Variants in GALNT2 observed in about 807,000 individuals in gnomAD.
The protein encoded by GALNT2 is polypeptide N-acetylgalactosaminyltransferase 2, also known as UDP-GalNAc:polypeptide N-acetylgalactosaminyltransferase 2.
Under a neutral mutation model 81.4 loss-of-function variants are expected in GALNT2, and 31 were observed. The observed-to-expected ratio is 0.38, with a 90% CI of 0.29 to 0.51. GALNT2 has a LOEUF of 0.51. Among genes scored for constraint, GALNT2 ranks in the 20% least tolerant of loss-of-function variants. The probability of loss-of-function intolerance (pLI) is 0.87; values close to 1 mark genes in which losing one functional copy is unlikely to be tolerated. For missense variants in GALNT2, 629 were observed against 765.7 expected (o/e 0.82, Z 2.11); for synonymous variants, 303 against 287.4 (o/e 1.05, Z -0.55).
At chr1:230,255,761 A>G (rs1665692628) in intron 11 of GALNT2, among the ~76,000 whole-genome samples, 1 of 152,186 alleles carries the variant, frequency 6.6e-6, no homozygotes, top group Non-Finnish European at 1.5e-5. Context: ...ATGAGTGTGA[A>G]GGCTCTTAGA....
At chr1:230,068,030 C>G (rs1035485278) in intron 1 of GALNT2, among the ~76,000 whole-genome samples, 1 of 152,250 alleles carries the variant, frequency 6.6e-6, no homozygotes, top group Admixed American at 6.5e-5. Context: ...CGAGGCCAGT[C>G]CCGGCCGTTC....
rs935346258 is a variant in GALNT2 at position 230,275,601 on chromosome 1, A to G, written c.1560+1037A>G. On this transcript the variant is annotated intron_variant, in intron 15 of 15. Transcript: ENST00000366672. The surrounding 1 kb of genome is among the most constrained non-coding windows in gnomAD (Gnocchi z 5.5). The stretch of plus-strand genomic sequence containing the variant: ...ACACCATATATATACATATAGATAC[A>G]TGCTACATTTATATAAACACCACAT... Among the ~76,000 whole-genome samples the G allele has an allele frequency of 3.3e-5, 5 of 151,520 alleles. No individual in the cohort carries two copies. The highest frequency in any genetic ancestry group is 1.2e-4 in the African/African-American group (5 of 41,230).
intron 1 of GALNT2, among the ~76,000 whole-genome samples, chr1:230,100,913 A>G (rs556935699): frequency 6.6e-6 from 1 of 152,370 alleles, no homozygotes; most frequent in African/African-American, 2.4e-5. Context: ...TTCAGTTAAC[A>G]GTAGACTGCA....
chr1:230,265,427 T>C, intron 14 of GALNT2, 60 bp downstream of exon 14: 1 of 1,606,306 alleles, frequency 6.2e-7, no homozygotes, highest in South Asian at 1.1e-5. Flanking sequence ...GTTGGGGGGG[T>C]CCTGATGTTA....
intron 8 of GALNT2, 130 bp from the exon 9 acceptor site, chr1:230,249,054 T>G: frequency 1.1e-6 from 1 of 872,404 alleles, no homozygotes; most frequent in South Asian, 1.6e-5. Flanking sequence ...ACACCTTCTT[T>G]TTTGGCTTTG....
intron 3 of GALNT2, among the ~76,000 whole-genome samples, chr1:230,223,314 T>G (rs1344608046): frequency 1.3e-5 from 2 of 151,912 alleles, no homozygotes; most frequent in Non-Finnish European, 2.9e-5. Context: ...TTTATTTCAC[T>G]TACTCTTGAT....
chr1:230,262,864 G>C, intron 12 of GALNT2, 58 bp from the exon 13 acceptor site: 1 of 1,538,756 alleles, frequency 6.5e-7, no homozygotes, highest in Non-Finnish European at 9.0e-7. Context: ...CAAGTTTGAT[G>C]TAGAAAGCCC....
chr1:230,244,565 T>C (rs1422629995), intron 7 of GALNT2, among the ~76,000 whole-genome samples: 3 of 139,848 alleles, frequency 2.1e-5, no homozygotes, highest in Non-Finnish European at 3.0e-5. Context: ...AAAACTGCCA[T>C]GGCAGTGTTT....
chr1:230,256,107 C>T (rs1665705628), intron 11 of GALNT2, among the ~76,000 whole-genome samples: 1 of 152,038 alleles, frequency 6.6e-6, no homozygotes, highest in South Asian at 2.1e-4. Flanking sequence ...AGAGTGGAGC[C>T]CTCATGGCAT....
chr1:230,100,557 C>T (rs1238091630), intron 1 of GALNT2, among the ~76,000 whole-genome samples: 1 of 152,278 alleles, frequency 6.6e-6, no homozygotes, highest in East Asian at 1.9e-4. Flanking sequence ...AACTCGCCAC[C>T]TCAGGCGATC....
intron 3 of GALNT2, among the ~76,000 whole-genome samples, chr1:230,227,502 A>C (rs754331018): frequency 6.7e-6 from 1 of 149,974 alleles, no homozygotes; most frequent in Non-Finnish European, 1.5e-5. Context: ...TATATGCTAT[A>C]TAATACAGCT....
intron 14 of GALNT2, among the ~76,000 whole-genome samples, chr1:230,273,917 G>A (rs1666216280): frequency 6.6e-6 from 1 of 152,188 alleles, no homozygotes; most frequent in South Asian, 2.1e-4. Context: ...AGATCAATTA[G>A]CATTCACTTA....
chr1:230,262,497 C>T, intron 11 of GALNT2, 76 bp from the exon 12 acceptor site: 1 of 1,305,322 alleles, frequency 7.7e-7, no homozygotes, highest in Non-Finnish European at 1.1e-6. Context: ...CAGTCACACG[C>T]CAGCAGACAG....
chr1:230,215,935 G>A (rs144642583), intron 3 of GALNT2, among the ~76,000 whole-genome samples: 3 of 152,348 alleles, frequency 2.0e-5, no homozygotes, highest in African/African-American at 7.2e-5. Flanking sequence ...CTCAAAATGT[G>A]TGTGACATGG....
chr1:230,182,589 G>C (rs541597860), intron 2 of GALNT2, among the ~76,000 whole-genome samples: 1 of 152,268 alleles, frequency 6.6e-6, no homozygotes, highest in Admixed American at 6.5e-5. Flanking sequence ...ATTGTGTTCT[G>C]AGAGCACACA....
intron 1 of GALNT2, among the ~76,000 whole-genome samples, chr1:230,160,698 A>G (rs377331033): frequency 1.3e-5 from 2 of 149,274 alleles, no homozygotes; most frequent in African/African-American, 4.9e-5. Context: ...TGGGTGACTG[A>G]GTGAGACTCC....
chr1:230,073,156 T>C (rs1380682510), intron 1 of GALNT2, among the ~76,000 whole-genome samples: 1 of 152,216 alleles, frequency 6.6e-6, no homozygotes, highest in Admixed American at 6.5e-5. Context: ...GAGAATTACA[T>C]TGAATTCATT....
At chr1:230,201,718 C>G (rs2102705914) in intron 2 of GALNT2, among the ~76,000 whole-genome samples, 1 of 152,340 alleles carries the variant, frequency 6.6e-6, no homozygotes, top group South Asian at 2.1e-4. Flanking sequence ...CAGGCTCTTG[C>G]TTGCTCCTTA....
chr1:230,255,369 G>T, intron 11 of GALNT2, 25 bp downstream of exon 11: 1 of 1,613,994 alleles, frequency 6.2e-7, no homozygotes, highest in Non-Finnish European at 8.5e-7. Context: ...GCTGAGCGGG[G>T]TCCAAAACAT....
Sources: gnomAD v4.1 joint callset for allele counts (sites outside exome capture counted in the v4.1 genomes callset) on GRCh38, gnomAD v4.1.1 for gene constraint, Gnocchi (gnomAD v3.1) non-coding constraint, MANE v1.5 for transcripts, NCBI Gene and HGNC (gene_info 2026-07-23, HGNC 2026-07-21) for gene names.